CCDC171: variants seen among roughly 807,000 people sequenced by gnomAD.
CCDC171 encodes the protein coiled-coil domain-containing protein 171.
Under a neutral mutation model 168.2 loss-of-function variants are expected in CCDC171, and 177 were observed. The observed-to-expected ratio is 1.05, with a 90% CI of 0.93 to 1.19. The LOEUF (loss-of-function observed/expected upper bound fraction) is 1.19. Ranked by LOEUF, CCDC171 falls within the 50% of genes most tolerant of loss-of-function variation. CCDC171 has a pLI of 0.00. For synonymous variants in CCDC171, 687 were observed against 540.8 expected, an observed-to-expected ratio of 1.27 and a Z score of -3.75; for missense variants, 1,991 against 1,539.0, an observed-to-expected ratio of 1.29 and a Z score of -4.91.
intron 6 of CCDC171, among the ~76,000 whole-genome samples, chr9:16,029,176 G>A (rs1833326522): frequency 6.6e-6 from 1 of 152,124 alleles, no homozygotes; most frequent in African/African-American, 2.4e-5. Flanking sequence ...GGAGAGAGAG[G>A]TCTTAGAAGG....
chr9:15,810,931 G>A (rs1025479483), intron 21 of CCDC171, among the ~76,000 whole-genome samples: 9 of 152,376 alleles, frequency 5.9e-5, no homozygotes, highest in African/African-American at 2.2e-4. Flanking sequence ...GAGCGAGCCA[G>A]GGCTGCTAGC....
chr9:15,648,299 T>G (rs1396700006), intron 7 of CCDC171, among the ~76,000 whole-genome samples: 1 of 152,196 alleles, frequency 6.6e-6, no homozygotes, highest in Non-Finnish European at 1.5e-5. Context: ...TCATACTGAA[T>G]GAGCAAAAAC....
chr9:15,997,264 G>A (rs1006962067), intron 3 of CCDC171, among the ~76,000 whole-genome samples: 38 of 152,232 alleles, frequency 2.5e-4, no homozygotes, highest in African/African-American at 8.4e-4. Flanking sequence ...CAAAGACTGC[G>A]TCTTAGAGAA....
intron 20 of CCDC171, among the ~76,000 whole-genome samples, chr9:15,782,436 T>C (rs1414630549): frequency 1.3e-5 from 2 of 152,188 alleles, no homozygotes. Context: ...AGCCAGTCTC[T>C]GGGACGGATG....
intron 4 of CCDC171, among the ~76,000 whole-genome samples, chr9:15,585,139 T>A (rs1157400539): frequency 6.6e-6 from 1 of 152,212 alleles, no homozygotes; most frequent in African/African-American, 2.4e-5. Context: ...TATTTTTTGT[T>A]AATGGGAGTG....
At chr9:15,578,627 TATAAG>T (rs1028087211) in intron 3 of CCDC171, among the ~76,000 whole-genome samples, 7 of 150,768 alleles carry the variant, frequency 4.6e-5, no homozygotes, top group Non-Finnish European at 8.9e-5. Context: ...AAAAAGTTCT[TATAAG>T]ATTTTTTTTT....
intron 24 of CCDC171, among the ~76,000 whole-genome samples, chr9:15,883,641 A>G (rs1476083580): frequency 6.6e-6 from 1 of 152,186 alleles, no homozygotes; most frequent in Non-Finnish European, 1.5e-5. Flanking sequence ...AGGGCAAGTA[A>G]TTGCATCCGT....
At chr9:15,731,369 T>C (rs2054139800) in intron 16 of CCDC171, among the ~76,000 whole-genome samples, 1 of 152,286 alleles carries the variant, frequency 6.6e-6, no homozygotes, top group African/African-American at 2.4e-5. Flanking sequence ...CAGTCAGTTT[T>C]ACGCCTCATA....
chr9:15,662,288 C>A (rs565707241), intron 8 of CCDC171, among the ~76,000 whole-genome samples: 9 of 151,732 alleles, frequency 5.9e-5, no homozygotes, highest in African/African-American at 1.2e-4. Context: ...ATCCCCCCTC[C>A]CCCCCAAAAA....
intron 25 of CCDC171, among the ~76,000 whole-genome samples, chr9:15,966,534 A>G (rs549411842): frequency 3.4e-4 from 51 of 152,208 alleles, no homozygotes; most frequent in African/African-American, 1.2e-3. Context: ...AGAATGCTGA[A>G]TGTCTGCCTG....
upstream of CCDC171, among the ~76,000 whole-genome samples, chr9:16,041,929 T>G (rs1375698630): frequency 3.3e-5 from 5 of 152,200 alleles, no homozygotes; most frequent in Non-Finnish European, 5.9e-5. Context: ...AAATGTGCAT[T>G]TTGGGGGCAT....
rs1399703030 is a variant in CCDC171 at position 15,778,573 on chromosome 9, G to C, written c.2899-395G>C. Among the ~76,000 whole-genome samples, 3 of 138,658 alleles carry C rather than the reference G, an allele frequency of 2.2e-5. No individual in the cohort carries two copies. In the Admixed American group the frequency reaches 2.5e-4, roughly 11 times the overall value. The allele number at this position is 138,658 out of a possible 152,430, so 91.0% of individuals were successfully genotyped here. ...AGGCATGAGAATCGCTTGAACTCGG[G>C]AGGTGGAGGTTGTAGTGAGACGAGA... is the stretch of plus-strand genomic sequence containing the variant. On this transcript the variant is annotated intron_variant, in intron 19 of 25. Transcript: ENST00000380701.
chr9:15,860,218 C>G (rs971963546), intron 23 of CCDC171, among the ~76,000 whole-genome samples: 5 of 151,440 alleles, frequency 3.3e-5, no homozygotes, highest in Non-Finnish European at 5.9e-5. Context: ...AATATAAACT[C>G]TTAGTTTTAC....
chr9:15,695,054 C>T (rs1183499253), intron 10 of CCDC171, among the ~76,000 whole-genome samples, 181 bp from the exon 11 acceptor site: 1 of 152,124 alleles, frequency 6.6e-6, no homozygotes, highest in Non-Finnish European at 1.5e-5. Flanking sequence ...GTTAATAAGA[C>T]CTTGTACAGT....
intron 11 of CCDC171, among the ~76,000 whole-genome samples, chr9:15,696,520 A>G (rs150940569): frequency 1.3e-5 from 2 of 152,328 alleles, no homozygotes; most frequent in East Asian, 3.9e-4. Flanking sequence ...TCCAGTTTCA[A>G]TTATATTTGT....
intron 6 of CCDC171, among the ~76,000 whole-genome samples, chr9:16,027,918 A>C (rs2133035560): frequency 6.6e-6 from 1 of 152,328 alleles, no homozygotes; most frequent in South Asian, 2.1e-4. Context: ...TTCAGAGCAT[A>C]TCAAGTTATA....
intron 21 of CCDC171, among the ~76,000 whole-genome samples, chr9:15,839,158 AC>A (rs1026329161): frequency 6.6e-6 from 1 of 152,168 alleles, no homozygotes; most frequent in African/African-American, 2.4e-5. Context: ...TCCTACTTTC[AC>A]ACAAGGGATC....
chr9:15,646,726 TACAGGAG>T (rs2047071907), intron 7 of CCDC171, among the ~76,000 whole-genome samples: 1 of 152,158 alleles, frequency 6.6e-6, no homozygotes, highest in Admixed American at 6.5e-5. Context: ...ATGCACCCAA[TACAGGAG>T]CACTCAGATT....
chr9:15,593,029 C>T (rs1002508509), intron 5 of CCDC171, among the ~76,000 whole-genome samples: 1 of 151,962 alleles, frequency 6.6e-6, no homozygotes, highest in African/African-American at 2.4e-5. Context: ...CCCACTCCCC[C>T]ACCCCACAAC....
Sources: allele counts gnomAD v4.1 joint callset (sites outside exome capture counted in the v4.1 genomes callset), GRCh38; gene constraint gnomAD v4.1.1; transcripts MANE v1.5; gene names NCBI Gene and HGNC (gene_info 2026-07-23, HGNC 2026-07-21).